WDPCP: variants seen among roughly 807,000 people sequenced by gnomAD.
WDPCP encodes the protein WD repeat-containing and planar cell polarity effector protein fritz homolog.
WDPCP carries 71 observed loss-of-function variants against 93.1 expected under a neutral mutation model. The ratio of observed to expected loss-of-function variants is 0.76; its 90% CI spans 0.63 to 0.93. The LOEUF is 0.93. Among genes scored for constraint, WDPCP ranks in the 40% least tolerant of loss-of-function variants. The pLI is 0.00. For missense variants in WDPCP, 844 were observed against 887.4 expected (o/e 0.95, Z 0.62); for synonymous variants, 315 against 315.0 (o/e 1.00, Z 0.00).
chr2:63,415,759 A>G (rs560746099), intron 9 of WDPCP, among the ~76,000 whole-genome samples: 3 of 152,224 alleles, frequency 2.0e-5, no homozygotes, highest in Non-Finnish European at 4.4e-5. Context: ...GGGAACCTTA[A>G]GTGAGGCTGA....
Position 63,487,445 on chromosome 2 carries a change from A to C in WDPCP, c.208+2T>G. 1 of 1,587,352 alleles carries C rather than the reference A, an allele frequency of 6.3e-7. No homozygotes were observed. On this transcript the variant is annotated splice_donor_variant, in intron 3 of 17. Transcript: ENST00000272321. LOFTEE classifies it high-confidence loss of function. ...ATTAATTGCACAGAATAGGTACTTT[A>C]CCTGGTGGATCTTTCTTGTCATAAT... is the stretch of plus-strand genomic sequence containing the variant.
intron 2 of WDPCP, among the ~76,000 whole-genome samples, chr2:63,663,864 A>AT (rs940561109): frequency 5.3e-5 from 8 of 151,894 alleles, no homozygotes; most frequent in Admixed American, 1.3e-4. Flanking sequence ...GCATTTGTGG[A>AT]TTTTTTTTCA....
At chr2:63,478,063 AG>A (rs1173972128) in intron 6 of WDPCP, 2 of 152,120 alleles carry the variant, frequency 1.3e-5, no homozygotes, top group African/African-American at 4.8e-5. Flanking sequence ...GTGAATTGGG[AG>A]TGCAGACACA....
intron 2 of WDPCP, among the ~76,000 whole-genome samples, chr2:63,488,863 C>A (rs1348125235): frequency 6.6e-6 from 1 of 151,838 alleles, no homozygotes; most frequent in Non-Finnish European, 1.5e-5. Context: ...GTCTGACCTA[C>A]TGCATCTGGC....
intron 6 of WDPCP, among the ~76,000 whole-genome samples, chr2:63,466,692 T>G (rs1231103074): frequency 6.6e-6 from 1 of 152,200 alleles, no homozygotes; most frequent in Admixed American, 6.5e-5. Flanking sequence ...ATTTGGTATG[T>G]GTTTGTAAAA....
chr2:63,510,367 G>C (rs1256044255), intron 1 of WDPCP, among the ~76,000 whole-genome samples: 2 of 152,174 alleles, frequency 1.3e-5, no homozygotes, highest in Non-Finnish European at 2.9e-5. Flanking sequence ...AAAGGCCTTT[G>C]ATAAAATTCA....
chr2:63,792,650 G>A (rs950150943), intron 2 of WDPCP, among the ~76,000 whole-genome samples: 2 of 152,110 alleles, frequency 1.3e-5, no homozygotes, highest in African/African-American at 4.8e-5. Context: ...AGAGCTTGAC[G>A]CATTTGAGAA....
chr2:63,664,028 G>A (rs1289723825), intron 2 of WDPCP, among the ~76,000 whole-genome samples: 2 of 152,134 alleles, frequency 1.3e-5, no homozygotes, highest in Non-Finnish European at 2.9e-5. Flanking sequence ...GTTTAGGGAA[G>A]TTTGAGATAA....
At chr2:63,837,365 T>C in the WDPCP span, among the ~76,000 whole-genome samples, 2 of 152,226 alleles carry the variant, frequency 1.3e-5, no homozygotes, top group Admixed American at 1.3e-4. Context: ...GTAGCCCCTT[T>C]TTCCTCTCTC....
chr2:63,683,648 A>C (rs1034417373), intron 2 of WDPCP, among the ~76,000 whole-genome samples: 1 of 152,156 alleles, frequency 6.6e-6, no homozygotes, highest in African/African-American at 2.4e-5. Flanking sequence ...CAAGAGATGG[A>C]GATCAGCCTG....
intron 9 of WDPCP, among the ~76,000 whole-genome samples, chr2:63,417,296 G>T (rs781661888): frequency 9.2e-5 from 14 of 152,134 alleles, no homozygotes; most frequent in Non-Finnish European, 1.8e-4. Context: ...ATGTAGCTTG[G>T]AAGTTAATAT....
At chr2:63,225,021 C>T (rs945826126) in intron 14 of WDPCP, among the ~76,000 whole-genome samples, 2 of 150,378 alleles carry the variant, frequency 1.3e-5, no homozygotes, top group African/African-American at 4.9e-5. Flanking sequence ...AATCTCTGTA[C>T]CTTCAGCTTA....
At chr2:63,678,394 C>T (rs1710449405) in intron 2 of WDPCP, among the ~76,000 whole-genome samples, 1 of 152,154 alleles carries the variant, frequency 6.6e-6, no homozygotes, top group East Asian at 1.9e-4. Context: ...CAGGGCACCC[C>T]AATTGCAAAA....
At chr2:63,686,912 T>C (rs13431039) in intron 2 of WDPCP, among the ~76,000 whole-genome samples, 1 of 117,034 alleles carries the variant, frequency 8.5e-6, no homozygotes, top group Non-Finnish European at 1.8e-5. Flanking sequence ...TGTATATCCA[T>C]ATTCAGATAG....
At chr2:63,450,457 G>C (rs1305096905) in intron 6 of WDPCP, among the ~76,000 whole-genome samples, 1 of 152,052 alleles carries the variant, frequency 6.6e-6, no homozygotes, top group East Asian at 1.9e-4. Context: ...CAGCTGCCCG[G>C]GGACTCATGA....
chr2:63,359,053 C>A (rs1690240996), intron 12 of WDPCP, among the ~76,000 whole-genome samples: 1 of 152,008 alleles, frequency 6.6e-6, no homozygotes, highest in African/African-American at 2.4e-5. Context: ...CCTGTCCTTG[C>A]ACTCTCTCTT....
At chr2:63,451,183 A>G (rs2105641862) in intron 6 of WDPCP, among the ~76,000 whole-genome samples, 1 of 152,152 alleles carries the variant, frequency 6.6e-6, no homozygotes, top group African/African-American at 2.4e-5. Context: ...CAGAAACTGA[A>G]GAATTCCTTC....
chr2:63,305,705 G>A (rs1287271732), intron 13 of WDPCP, among the ~76,000 whole-genome samples: 2 of 152,200 alleles, frequency 1.3e-5, no homozygotes, highest in Non-Finnish European at 2.9e-5. Context: ...TGGAGAATGA[G>A]TGAGACGAAT....
In WDPCP at chr2:63,560,846, G is replaced by A. The variant is rs115162242; in HGVS notation, c.75+27351C>T. Among the ~76,000 whole-genome samples, 922 of 152,280 alleles carry A rather than the reference G, an allele frequency of 6.1e-3. 13 individuals are homozygous for A. The highest frequency in any genetic ancestry group is 0.022 in the African/African-American group (895 of 41,542). On this transcript the variant is annotated intron_variant, in intron 1 of 17. Transcript: ENST00000272321. ...GGGGCCTGTTGGGAGGTAGGGGCCT[G>A]GGGGAGGCATAGCATTAGGAGAAAT...
Sources: gnomAD v4.1 joint callset for allele counts (sites outside exome capture counted in the v4.1 genomes callset) on GRCh38, gnomAD v4.1.1 for gene constraint, MANE v1.5 for transcripts, NCBI Gene and HGNC (gene_info 2026-07-23, HGNC 2026-07-21) for gene names.